Variants in AK3 observed in about 807,000 individuals in gnomAD.
AK3 encodes the protein adenylate kinase 3.
In AK3, 27 loss-of-function variants were observed where a neutral mutation model predicts 23.7. The observed-to-expected ratio is 1.14, with a 90% CI of 0.84 to 1.57. The LOEUF is 1.57. Among genes scored for constraint, AK3 ranks in the 40% most tolerant of loss-of-function variants. AK3 has a pLI of 0.00. For synonymous variants in AK3, 159 were observed against 116.0 expected (o/e 1.37, Z -2.38); for missense variants, 406 against 285.6 (o/e 1.42, Z -3.04).
At chr9:4,740,866 C>A in intron 1 of AK3, 71 bp downstream of exon 1, 1 of 1,392,956 alleles carries the variant, frequency 7.2e-7, no homozygotes, top group Admixed American at 3.1e-5. Flanking sequence ...GCGTGCCCAG[C>A]TTCGGCCCCT....
rs775274025 is a variant in AK3 at position 4,722,508 on chromosome 9, T to TC, written c.268dup (p.Asp90GlyfsTer15). The TC allele has an allele frequency of 6.2e-7, 1 of 1,614,046 alleles. No individual in the cohort carries two copies. The highest frequency in any genetic ancestry group is 1.1e-5 in the South Asian group (1 of 91,076). On this transcript the variant is annotated frameshift_variant, in exon 2 of 5. Coordinates refer to ENST00000381809, the MANE Select transcript of AK3 (RefSeq NM_016282.4). LOFTEE classifies it high-confidence loss of function. ...AATGCTCATGAGACTCCACTTACCA[T>TC]CCAACAGCCAGCTATACTGGGTGAG...
At position 4,711,862 on chromosome 9, in the gene AK3, G is replaced by A. The variant is rs760561527; in HGVS notation, c.*1114C>T. On this transcript the variant is annotated 3_prime_UTR_variant, in exon 5 of 5. Transcript: ENST00000381809. ...ATCAATTTCTTTGATCAGGAACAAA[G>A]AACTCCTTCAGGAAACTCACTTTCC... 1 of 152,148 alleles carries A rather than the reference G, an allele frequency of 6.6e-6. No individual in the cohort carries two copies. Among genetic ancestry groups the A allele is most frequent in the Non-Finnish European group, 1.5e-5 (1 of 68,012 alleles). 9.4% of individuals were successfully genotyped at this position (152,148 alleles called of 1,614,324 possible).
At chr9:4,734,279 C>T (rs2130908433) in intron 1 of AK3, among the ~76,000 whole-genome samples, 1 of 152,022 alleles carries the variant, frequency 6.6e-6, no homozygotes, top group Non-Finnish European at 1.5e-5. Context: ...TCTACCAGTG[C>T]CTTGGTCTTG....
At position 4,731,626 on chromosome 9, in the gene AK3, T is replaced by C. The variant is rs142496180; in HGVS notation, c.152-9001A>G. Among the ~76,000 whole-genome samples, 466 of 151,892 alleles carry C rather than the reference T, an allele frequency of 3.1e-3. 1 individual carries two copies. Among genetic ancestry groups the C allele is most frequent in the African/African-American group, 0.011 (446 of 41,422 alleles). ...AATCTGAGTCTAAGCAGTTAACATA[T>C]TACATTTCAAATATATTTACCCCCT... On this transcript the variant is annotated intron_variant, in intron 1 of 4. Transcript: ENST00000381809.
chr9:4,734,373 A>G (rs1045593622), intron 1 of AK3, among the ~76,000 whole-genome samples: 1 of 152,224 alleles, frequency 6.6e-6, no homozygotes, highest in Non-Finnish European at 1.5e-5. Flanking sequence ...ACTAACACAC[A>G]TGTCCATCTG....
At position 4,713,152 on chromosome 9, in the gene AK3, G is replaced by T. The variant is rs1841608961; in HGVS notation, c.564-56C>A. 2.5e-6 allele frequency: 4 copies of T among 1,591,610 alleles called. No individual in the cohort carries two copies. In the Admixed American group the frequency reaches 7.1e-5, roughly 28 times the overall value. ...ACACAGGTCTGAGTCTTCCTAATAA[G>T]CTCTTTCAAAGCCTTTCTGTAAATA... On this transcript the variant is annotated intron_variant, in intron 4 of 4. Transcript: ENST00000381809.
At chr9:4,726,220 T>C (rs1842020654) in intron 1 of AK3, among the ~76,000 whole-genome samples, 2 of 152,172 alleles carry the variant, frequency 1.3e-5, no homozygotes, top group Admixed American at 6.5e-5. Context: ...GGTTGCTAAA[T>C]GATGAGGTGG....
chr9:4,729,015 A>AT (rs375640249), intron 1 of AK3, among the ~76,000 whole-genome samples: 19,333 of 129,146 alleles, frequency 0.15, 1,874 homozygotes, highest in Middle Eastern at 0.21. Flanking sequence ...ATATATATAT[A>AT]TTTTTTTTTT....
At chr9:4,739,075 C>G (rs772000528) in intron 1 of AK3, among the ~76,000 whole-genome samples, 9 of 151,946 alleles carry the variant, frequency 5.9e-5, no homozygotes, top group Non-Finnish European at 1.3e-4. Context: ...GCCAGGCCTA[C>G]TCTCCTAGAC....
intron 1 of AK3, among the ~76,000 whole-genome samples, chr9:4,734,986 G>C (rs935730266): frequency 3.3e-5 from 5 of 151,802 alleles, no homozygotes; most frequent in African/African-American, 4.9e-5. Flanking sequence ...GGTGTTGCCA[G>C]AGGCTCAGGT....
chr9:4,716,838 G>T (rs1363056013), intron 4 of AK3, among the ~76,000 whole-genome samples: 2 of 152,168 alleles, frequency 1.3e-5, no homozygotes, highest in African/African-American at 4.8e-5. Flanking sequence ...GGCTGAGACA[G>T]GAGAATTGCT....
upstream of AK3, chr9:4,741,402 G>A (rs1401682346): frequency 3.8e-6 from 1 of 262,910 alleles, no homozygotes; most frequent in Non-Finnish European, 7.1e-6. Context: ...TCCCACCTGC[G>A]CCTCTCCGCG....
chr9:4,719,631 C>T (rs551004694), intron 2 of AK3, among the ~76,000 whole-genome samples: 1 of 152,128 alleles, frequency 6.6e-6, no homozygotes, highest in African/African-American at 2.4e-5. Flanking sequence ...TGGGCCTTAT[C>T]TAATCAATTT....
rs1429150818 is a variant in AK3, at chr9:4,712,181, A to T, written c.*795T>A. 6.6e-6 allele frequency: 1 copy of T among 152,310 alleles called. No homozygotes were observed. Among genetic ancestry groups the T allele is most frequent in the East Asian group, 1.9e-4 (1 of 5,192 alleles). 9.4% of individuals were successfully genotyped at this position (152,310 alleles called of 1,614,324 possible). A position where few individuals can be genotyped will look rare whatever the true frequency, so the allele number is the denominator to read the frequency against. ...TAAAACACATTTCTTAACCTGAGTC[A>T]TAACTGAAAACATAGACTTTAATTA... On this transcript the variant is annotated 3_prime_UTR_variant, in exon 5 of 5. Transcript: ENST00000381809.
At chr9:4,719,094 G>A in intron 3 of AK3, 41 bp downstream of exon 3, 2 of 1,608,266 alleles carry the variant, frequency 1.2e-6, no homozygotes, top group Non-Finnish European at 1.7e-6. Flanking sequence ...AGAGGACTCA[G>A]GGACAGTCTG....
chr9:4,728,833 AT>A (rs772698187), intron 1 of AK3, among the ~76,000 whole-genome samples: 73,075 of 134,534 alleles, frequency 0.54, 20,039 homozygotes, highest in East Asian at 0.75. Context: ...ATGTCTCTAC[AT>A]ATATATATAT....
intron 1 of AK3, among the ~76,000 whole-genome samples, chr9:4,731,972 C>T (rs1244713818): frequency 1.3e-5 from 2 of 152,174 alleles, no homozygotes; most frequent in African/African-American, 4.8e-5. Flanking sequence ...TTTTTAGAGA[C>T]ATGGTCTCAC....
Position 4,719,607 on chromosome 9 carries a change from C to G in AK3, c.272-300G>C, listed in dbSNP as rs1479764360. Among the ~76,000 whole-genome samples the G allele has an allele frequency of 3.3e-5, 5 of 152,138 alleles. No homozygotes were observed. In the East Asian group the frequency reaches 9.6e-4, roughly 29 times the overall value. On this transcript the variant is annotated intron_variant, in intron 2 of 4. Coordinates refer to ENST00000381809, the MANE Select transcript of AK3 (RefSeq NM_016282.4). ...AGGCAGACTGATAAAGTACATTGCC[C>G]TTCTTAATATGGGTGGGCCTTATCT... is the stretch of plus-strand genomic sequence containing the variant.
chr9:4,735,314 T>TATATATACATATATAA (rs1563798332), intron 1 of AK3, among the ~76,000 whole-genome samples: 1 of 13,724 alleles, frequency 7.3e-5, no homozygotes, highest in East Asian at 2.1e-3. Context: ...CATATATAAA[T>TATATATACATATATAA]ATATATATAC....
Sources: allele counts gnomAD v4.1 joint callset (sites outside exome capture counted in the v4.1 genomes callset), GRCh38; gene constraint gnomAD v4.1.1; transcripts MANE v1.5; gene names NCBI Gene and HGNC (gene_info 2026-07-23, HGNC 2026-07-21).